Variants in EFCAB11 observed in about 807,000 individuals in gnomAD.
EFCAB11 encodes the protein EF-hand calcium-binding domain-containing protein 11.
A neutral mutation model predicts 23.0 loss-of-function variants in EFCAB11; 14 were observed. The ratio of observed to expected loss-of-function variants is 0.61; its 90% CI spans 0.40 to 0.95. The LOEUF (loss-of-function observed/expected upper bound fraction) is 0.95. Ranked by LOEUF, EFCAB11 falls within the 40% of genes least tolerant of loss-of-function variation. The pLI is 0.00. For missense variants in EFCAB11, 198 were observed against 195.8 expected (o/e 1.01, Z -0.07); for synonymous variants, 65 against 66.6 (o/e 0.98, Z 0.11).
intron 5 of EFCAB11, among the ~76,000 whole-genome samples, chr14:89,915,009 T>A (rs1223842343): frequency 6.6e-6 from 1 of 152,068 alleles, no homozygotes; most frequent in African/African-American, 2.4e-5. Context: ...GTTCCTGCTG[T>A]CACAGGAATA....
At chr14:89,925,688 C>T (rs550452871) in intron 5 of EFCAB11, among the ~76,000 whole-genome samples, 2 of 145,450 alleles carry the variant, frequency 1.4e-5, no homozygotes, top group Non-Finnish European at 3.0e-5. Context: ...CTCTGTCACC[C>T]AGGCTGGAGT....
chr14:89,826,744 G>C (rs1886704133), intron 5 of EFCAB11, among the ~76,000 whole-genome samples: 1 of 152,026 alleles, frequency 6.6e-6, no homozygotes, highest in Non-Finnish European at 1.5e-5. Context: ...AGGCAGAATA[G>C]CCTCCCATTC....
chr14:89,810,080 G>A (rs1886101681), intron 5 of EFCAB11, among the ~76,000 whole-genome samples: 1 of 152,214 alleles, frequency 6.6e-6, no homozygotes, highest in Admixed American at 6.5e-5. Flanking sequence ...CAATATGACT[G>A]TGATTAGTGT....
chr14:89,812,660 G>A (rs1304048914), intron 5 of EFCAB11, among the ~76,000 whole-genome samples: 2 of 152,186 alleles, frequency 1.3e-5, no homozygotes, highest in East Asian at 3.8e-4. Context: ...ACAGCACAAA[G>A]TGATAAAGGC....
intron 5 of EFCAB11, among the ~76,000 whole-genome samples, chr14:89,808,578 T>G (rs1035314442): frequency 6.6e-6 from 1 of 152,224 alleles, no homozygotes; most frequent in Admixed American, 6.5e-5. Flanking sequence ...ACTAGGAAAT[T>G]TGGCCTTAGT....
intron 5 of EFCAB11, 96 bp from the exon 6 acceptor site, chr14:89,797,420 TGA>T: frequency 9.0e-7 from 1 of 1,110,762 alleles, no homozygotes. Flanking sequence ...CATGTCTGTG[TGA>T]GAGAGGAACC....
Position 89,845,952 on chromosome 14 carries a change from T to A in EFCAB11, c.411-48628A>T, listed in dbSNP as rs867104636. On this transcript the variant is annotated intron_variant, in intron 5 of 5. Coordinates refer to ENST00000316738, the MANE Select transcript of EFCAB11 (RefSeq NM_145231.4). ...GCATCGACAGACAGTTTTACAGAGT[T>A]AGTATCTCAAGTTCTAGATGCAAAT... 1.5e-4 allele frequency among the ~76,000 whole-genome samples: 23 copies of A among 152,310 alleles called. 2 individuals are homozygous for A. The Middle Eastern group carries it at 0.02, about 135-fold the overall frequency.
At chr14:89,915,773 T>C (rs1476102021) in intron 5 of EFCAB11, among the ~76,000 whole-genome samples, 2 of 152,132 alleles carry the variant, frequency 1.3e-5, no homozygotes, top group Admixed American at 6.5e-5. Context: ...CAATGAAAAT[T>C]AGGAACTAAA....
At chr14:89,849,846 T>C (rs1354937695) in intron 5 of EFCAB11, among the ~76,000 whole-genome samples, 1 of 152,186 alleles carries the variant, frequency 6.6e-6, no homozygotes, top group Non-Finnish European at 1.5e-5. Flanking sequence ...AACTGAAGTG[T>C]AATTTCAGCA....
chr14:89,805,968 TA>T (rs1566765164), intron 5 of EFCAB11, among the ~76,000 whole-genome samples: 1 of 152,214 alleles, frequency 6.6e-6, no homozygotes, highest in Non-Finnish European at 1.5e-5. Flanking sequence ...GATTCTGGAT[TA>T]TTCTCCTCAG....
chr14:89,928,099 T>G (rs1156972676), intron 5 of EFCAB11, among the ~76,000 whole-genome samples: 1 of 152,308 alleles, frequency 6.6e-6, no homozygotes, highest in East Asian at 1.9e-4. Context: ...AAGCCCATAT[T>G]CAGTCAACAA....
intron 5 of EFCAB11, among the ~76,000 whole-genome samples, chr14:89,867,940 A>G (rs764374868): frequency 2.6e-5 from 4 of 152,216 alleles, no homozygotes; most frequent in Non-Finnish European, 5.9e-5. Flanking sequence ...TCTCAACCCT[A>G]ACAGAAGCCT....
intron 5 of EFCAB11, among the ~76,000 whole-genome samples, chr14:89,869,629 G>A (rs753645478): frequency 8.5e-5 from 13 of 152,178 alleles, no homozygotes; most frequent in African/African-American, 1.4e-4. Flanking sequence ...AAGTGACTTC[G>A]CCTCTTTCTA....
chr14:89,949,302 C>A (rs1891083158), intron 3 of EFCAB11, among the ~76,000 whole-genome samples: 1 of 151,996 alleles, frequency 6.6e-6, no homozygotes, highest in Non-Finnish European at 1.5e-5. Flanking sequence ...CCACCAAAAC[C>A]TTTCTTTTGG....
chr14:89,827,433 G>A (rs73318817), intron 5 of EFCAB11, among the ~76,000 whole-genome samples: 5,594 of 152,130 alleles, frequency 0.037, 342 homozygotes, highest in African/African-American at 0.13. Context: ...TTCTCTGGCC[G>A]CCCGGTAGCC....
chr14:89,912,152 T>C (rs1889700637), intron 5 of EFCAB11, among the ~76,000 whole-genome samples: 1 of 152,202 alleles, frequency 6.6e-6, no homozygotes, highest in African/African-American at 2.4e-5. Flanking sequence ...TGGTATGCTA[T>C]AGACTATGAA....
intron 5 of EFCAB11, among the ~76,000 whole-genome samples, chr14:89,837,362 C>G (rs1028274828): frequency 2.0e-5 from 3 of 152,020 alleles, no homozygotes; most frequent in African/African-American, 4.8e-5. Context: ...TATTTCTTTC[C>G]TGTAGCCTCC....
chr14:89,932,558 A>T lies in EFCAB11; in HGVS notation c.287T>A (p.Val96Glu). 1.2e-6 allele frequency: 2 copies of T among 1,613,922 alleles called. No individual in the cohort carries two copies. The highest frequency in any genetic ancestry group is 1.7e-6 in the Non-Finnish European group (2 of 1,179,928). The change falls in exon 4 of 6, where the codon GTA (valine) becomes GAA (glutamate). Residue 96 changes from valine to glutamate, a missense_variant. Physicochemically the swap from Val to Glu is moderately radical, Grantham distance 121. Coordinates refer to ENST00000316738, the MANE Select transcript of EFCAB11 (RefSeq NM_145231.4). ...GTCAAAGGCTGTGAAGATGTGTCTT[A>T]CTTCGTTCCGATATCGTTGAGCTTC... ...KKEAQRYRNE[V>E]RHIFTAFDTY...
chr14:89,850,729 T>C (rs532099753), intron 5 of EFCAB11, among the ~76,000 whole-genome samples: 112 of 152,330 alleles, frequency 7.4e-4, no homozygotes, highest in Non-Finnish European at 1.2e-3. Context: ...TCCAGTGAAA[T>C]TTTACTTAAT....
Sources: gnomAD v4.1 joint callset for allele counts (sites outside exome capture counted in the v4.1 genomes callset) on GRCh38, gnomAD v4.1.1 for gene constraint, MANE v1.5 for transcripts, NCBI Gene and HGNC (gene_info 2026-07-23, HGNC 2026-07-21) for gene names.